MFSD11: variants seen among roughly 807,000 people sequenced by gnomAD.
MFSD11 encodes the protein UNC93-like protein MFSD11.
MFSD11 carries 36 observed loss-of-function variants against 53.5 expected under a neutral mutation model. The observed-to-expected ratio is 0.67, with a 90% CI of 0.52 to 0.89. The LOEUF is 0.89. MFSD11 is among the 40% of genes least tolerant of loss of function. MFSD11 has a pLI of 0.00. For synonymous variants in MFSD11, 186 were observed against 184.9 expected (o/e 1.01, Z -0.05); for missense variants, 530 against 543.9 (o/e 0.97, Z 0.25).
At chr17:76,791,070 G>C in the MFSD11 span, among the ~76,000 whole-genome samples, 4 of 148,756 alleles carry the variant, frequency 2.7e-5, no homozygotes, top group South Asian at 6.6e-4. Flanking sequence ...GGTCAAACTT[G>C]ACCTTCTTTT....
chr17:76,793,783 C>T, the MFSD11 span, among the ~76,000 whole-genome samples: 2 of 151,588 alleles, frequency 1.3e-5, no homozygotes, highest in Non-Finnish European at 2.9e-5. Flanking sequence ...TCTTCACAAT[C>T]CGTGTTCTTC....
At chr17:76,778,043 G>A in intron 12 of MFSD11, 145 bp from the exon 13 acceptor site, 2 of 699,232 alleles carry the variant, frequency 2.9e-6, no homozygotes, top group Admixed American at 5.6e-5. Context: ...CAGTGACTGA[G>A]GAAGTCATAC....
chr17:76,747,252 G>A (rs2078635806), intron 7 of MFSD11, among the ~76,000 whole-genome samples: 3 of 152,018 alleles, frequency 2.0e-5, no homozygotes, highest in South Asian at 2.1e-4. Context: ...AGTGGCTCAC[G>A]CCTGTAATCC....
downstream of MFSD11, among the ~76,000 whole-genome samples, chr17:76,783,959 GAA>G (rs112147759): frequency 3.0e-5 from 4 of 131,274 alleles, no homozygotes; most frequent in South Asian, 2.4e-4. Context: ...CTGCTACCCA[GAA>G]AAAAAAAAAA....
chr17:76,801,850 A>G, the MFSD11 span, among the ~76,000 whole-genome samples: 1 of 152,122 alleles, frequency 6.6e-6, no homozygotes, highest in Non-Finnish European at 1.5e-5. Context: ...TTGTGATACC[A>G]GTCCTGCTGA....
At chr17:76,801,190 G>A in the MFSD11 span, among the ~76,000 whole-genome samples, 2 of 151,568 alleles carry the variant, frequency 1.3e-5, no homozygotes, top group Admixed American at 6.6e-5. Context: ...CCCGGAGTTC[G>A]TGACCAGCCT....
intron 7 of MFSD11, 92 bp from the exon 8 acceptor site, chr17:76,753,955 G>A (rs2079319885): frequency 9.2e-7 from 1 of 1,091,116 alleles, no homozygotes; most frequent in African/African-American, 1.6e-5. Context: ...TATAGGACAG[G>A]GTTTTTACGA....
chr17:76,775,028 C>G lies in MFSD11; in HGVS notation c.906C>G (p.Asn302Lys). The change falls in exon 11 of 13, where the codon AAC (asparagine) becomes AAG (lysine). Residue 302 changes from asparagine (N) to lysine (K), a missense_variant. By Grantham distance (94) the Asn-to-Lys change is moderately conservative. Transcript: ENST00000685175. ...GCCTCTTCGGCCTGCTGAGCAAGAA[C>G]AATCGTTTTGGTAGAAATCCAGTTG... ...GGSLFGLLSK[N>K]NRFGRNPVVL... The G allele has an allele frequency of 6.2e-7, 1 of 1,614,008 alleles. No individual in the cohort carries two copies. The highest frequency in any genetic ancestry group is 8.5e-7 in the Non-Finnish European group (1 of 1,179,930).
At chr17:76,797,331 C>A in the MFSD11 span, among the ~76,000 whole-genome samples, 3 of 152,032 alleles carry the variant, frequency 2.0e-5, no homozygotes, top group Admixed American at 2.0e-4. Flanking sequence ...GGAAAAGGAG[C>A]GAGCAAGCCC....
the MFSD11 span, among the ~76,000 whole-genome samples, chr17:76,788,060 G>A: frequency 1.3e-5 from 2 of 148,554 alleles, no homozygotes; most frequent in Non-Finnish European, 3.0e-5. Context: ...TGTCACCCTG[G>A]GTGGAGTGAA....
In MFSD11 at chr17:76,743,044, C is replaced by A. The variant is rs2078239667; in HGVS notation, c.438-354C>A. On this transcript the variant is annotated intron_variant, in intron 5 of 12. Transcript: ENST00000685175. ...TTTGATTAGATGCAGATAACTAAAT[C>A]ATGGATTTTTAGAAACAGATTCTTT... Among the ~76,000 whole-genome samples the A allele has an allele frequency of 1.3e-5, 2 of 152,184 alleles. 1 individual carries two copies. Among genetic ancestry groups the A allele is most frequent in the Admixed American group, 1.3e-4 (2 of 15,280 alleles).
chr17:76,778,702 T>C lies in MFSD11; in HGVS notation c.*350T>C, dbSNP rs1344148097. On this transcript the variant is annotated 3_prime_UTR_variant, in exon 13 of 13. Transcript: ENST00000685175. ...CCTTGATTTAGAATACTAGGCCATA[T>C]GTCATATAAATATTTTTTCTGGATA... 5.2e-6 allele frequency: 1 copy of C among 193,750 alleles called. No homozygotes were observed. Among genetic ancestry groups the C allele is most frequent in the African/African-American group, 2.3e-5 (1 of 42,836 alleles). The allele number at this position is 193,750 out of a possible 1,614,324, so 12.0% of individuals were successfully genotyped here.
chr17:76,757,836 C>T (rs968653866), intron 8 of MFSD11, among the ~76,000 whole-genome samples: 2 of 152,016 alleles, frequency 1.3e-5, no homozygotes, highest in Admixed American at 1.3e-4. Flanking sequence ...TGGTGAAACC[C>T]TGTCTCTACT....
At chr17:76,803,526 G>A in the MFSD11 span, among the ~76,000 whole-genome samples, 9 of 152,042 alleles carry the variant, frequency 5.9e-5, no homozygotes, top group African/African-American at 2.2e-4. Flanking sequence ...TAAGATCAGT[G>A]TTTGAGATGT....
chr17:76,755,812 ATTT>A (rs552254902), intron 8 of MFSD11, among the ~76,000 whole-genome samples: 306 of 19,334 alleles, frequency 0.016, 5 homozygotes, highest in African/African-American at 0.039. Context: ...ATATATATAT[ATTT>A]TTTTTTTTTT....
the MFSD11 span, among the ~76,000 whole-genome samples, chr17:76,800,804 CAGT>C: frequency 2.6e-5 from 4 of 152,128 alleles, no homozygotes; most frequent in Non-Finnish European, 4.4e-5. Flanking sequence ...AGACTGGGTG[CAGT>C]GGCTCACACC....
chr17:76,801,489 C>T, the MFSD11 span, among the ~76,000 whole-genome samples: 1 of 144,656 alleles, frequency 6.9e-6, no homozygotes, highest in Non-Finnish European at 1.5e-5. Flanking sequence ...CTCTGTCACC[C>T]AGGCTGGAGT....
chr17:76,737,026 G>A (rs1269318968), upstream of MFSD11: 14 of 1,613,458 alleles, frequency 8.7e-6, no homozygotes, highest in East Asian at 2.2e-5. Context: ...GGTCCCGCGG[G>A]ATGTACACGT....
the MFSD11 span, among the ~76,000 whole-genome samples, chr17:76,792,596 A>G: frequency 6.6e-6 from 1 of 151,154 alleles, no homozygotes; most frequent in Non-Finnish European, 1.5e-5. Flanking sequence ...GCAGATAAGG[A>G]CCCGCCTAAA....
Sources: allele counts gnomAD v4.1 joint callset (sites outside exome capture counted in the v4.1 genomes callset), GRCh38; gene constraint gnomAD v4.1.1; transcripts MANE v1.5; gene names NCBI Gene and HGNC (gene_info 2026-07-23, HGNC 2026-07-21).